Variants in MBOAT2 observed in about 807,000 individuals in gnomAD.
The protein encoded by MBOAT2 is membrane-bound glycerophospholipid O-acyltransferase 2.
Under a neutral mutation model 63.4 loss-of-function variants are expected in MBOAT2, and 28 were observed. That is an observed-to-expected ratio of 0.44 (90% CI 0.33 to 0.61). The LOEUF is 0.61. Ranked by LOEUF, MBOAT2 falls within the 20% of genes least tolerant of loss-of-function variation. The probability of loss-of-function intolerance (pLI) is 0.03; values close to 1 mark genes in which losing one functional copy is unlikely to be tolerated. For synonymous variants in MBOAT2, 211 were observed against 215.6 expected (o/e 0.98, Z 0.19); for missense variants, 470 against 605.8 (o/e 0.78, Z 2.35).
intron 3 of MBOAT2, among the ~76,000 whole-genome samples, chr2:8,922,412 T>C (rs143404694): frequency 5.8e-4 from 88 of 152,354 alleles, no homozygotes; most frequent in African/African-American, 2.1e-3. Context: ...TGTTAGATAA[T>C]ACATGACAGT....
At chr2:8,908,572 C>G (rs756014908) in intron 4 of MBOAT2, 49 bp downstream of exon 4, 101 of 1,046,064 alleles carry the variant, frequency 9.7e-5, no homozygotes, top group Middle Eastern at 2.1e-4. Context: ...CTTTAACCAC[C>G]TTGTTGGAAT....
rs539609915 is a variant in MBOAT2, at chr2:8,863,639, C to G, written c.1052+531G>C. Among the ~76,000 whole-genome samples the G allele has an allele frequency of 2.0e-4, 31 of 152,282 alleles. No individual in the cohort carries two copies. In the South Asian group the frequency reaches 4.8e-3, roughly 23 times the overall value. On this transcript the variant is annotated intron_variant, in intron 10 of 12. Coordinates refer to ENST00000305997, the MANE Select transcript of MBOAT2 (RefSeq NM_138799.4). Reference sequence around the variant, plus strand: ...CTGCTTTCTCTCTCCTCATCCTCACCACAGGGAACAGCATGTGTCTGATTA... The same window carrying G: ...CTGCTTTCTCTCTCCTCATCCTCACGACAGGGAACAGCATGTGTCTGATTA...
chr2:8,931,803 T>A (rs927865718), intron 3 of MBOAT2, among the ~76,000 whole-genome samples: 4 of 152,212 alleles, frequency 2.6e-5, no homozygotes, highest in African/African-American at 9.6e-5. Flanking sequence ...TTTTTGCACA[T>A]GGCTAGCCTG....
chr2:8,936,146 T>C (rs1175002323), intron 3 of MBOAT2, among the ~76,000 whole-genome samples: 2 of 152,108 alleles, frequency 1.3e-5, no homozygotes, highest in Non-Finnish European at 2.9e-5. Flanking sequence ...CTGTGGTGGG[T>C]AGTTTGACTG....
Position 9,003,294 on chromosome 2 carries a change from G to C in MBOAT2, c.75+246C>G, listed in dbSNP as rs529659157. Among the ~76,000 whole-genome samples, 2 of 152,256 alleles carry C rather than the reference G, an allele frequency of 1.3e-5. No individual in the cohort carries two copies. Among genetic ancestry groups the C allele is most frequent in the South Asian group, 2.1e-4 (1 of 4,832 alleles). ...ACCACCCTCCCCGGGGGCTGTCGCC[G>C]GCAACAACGCCCGGCCCACCTCCCG... On this transcript the variant is annotated intron_variant, in intron 1 of 12. Coordinates refer to ENST00000305997, the MANE Select transcript of MBOAT2 (RefSeq NM_138799.4). The surrounding 1 kb of genome is among the most constrained non-coding windows in gnomAD (Gnocchi z 5.4).
chr2:8,970,329 A>C (rs1301998244), intron 1 of MBOAT2, among the ~76,000 whole-genome samples: 3 of 152,246 alleles, frequency 2.0e-5, no homozygotes, highest in Non-Finnish European at 4.4e-5. Context: ...CAATGAGAAC[A>C]AAGACACAAC....
At chr2:8,878,175 A>G (rs150727027) in intron 6 of MBOAT2, among the ~76,000 whole-genome samples, 22 of 152,288 alleles carry the variant, frequency 1.4e-4, no homozygotes, top group Non-Finnish European at 2.9e-4. Flanking sequence ...GGAGGAGAAA[A>G]GGGAGTCAAG....
At chr2:8,997,723 T>C (rs1456220075) in intron 1 of MBOAT2, among the ~76,000 whole-genome samples, 2 of 152,216 alleles carry the variant, frequency 1.3e-5, no homozygotes, top group Non-Finnish European at 2.9e-5. Context: ...TACTACTTAT[T>C]ATTATCCTTA....
chr2:8,989,955 T>C (rs1259750624), intron 1 of MBOAT2, among the ~76,000 whole-genome samples: 3 of 152,204 alleles, frequency 2.0e-5, no homozygotes, highest in Admixed American at 6.5e-5. Flanking sequence ...TGCACACAGA[T>C]AAACTCACAC....
At chr2:8,876,526 G>A (rs1302560101) in intron 7 of MBOAT2, among the ~76,000 whole-genome samples, 1 of 152,174 alleles carries the variant, frequency 6.6e-6, no homozygotes, top group East Asian at 1.9e-4. Context: ...ATCAGGAGCT[G>A]TTTTGTGGAA....
chr2:8,970,752 A>G (rs1380043684), intron 1 of MBOAT2, among the ~76,000 whole-genome samples: 1 of 152,242 alleles, frequency 6.6e-6, no homozygotes, highest in Admixed American at 6.5e-5. Context: ...ACCTCTACAC[A>G]AATAAACTAG....
At chr2:8,935,491 G>A (rs1270358052) in intron 3 of MBOAT2, among the ~76,000 whole-genome samples, 1 of 152,198 alleles carries the variant, frequency 6.6e-6, no homozygotes, top group Non-Finnish European at 1.5e-5. Flanking sequence ...AAATATGACA[G>A]TATGAATACT....
chr2:8,894,949 G>A (rs1237129033), intron 4 of MBOAT2, among the ~76,000 whole-genome samples: 1 of 151,644 alleles, frequency 6.6e-6, no homozygotes, highest in African/African-American at 2.4e-5. Context: ...TGGTGTTACA[G>A]TTCATAAAGG....
chr2:8,976,209 G>A (rs577296793), intron 1 of MBOAT2, among the ~76,000 whole-genome samples: 1 of 152,106 alleles, frequency 6.6e-6, no homozygotes, highest in Non-Finnish European at 1.5e-5. Context: ...GGAAACAGAA[G>A]CAGAAAGCGA....
intron 1 of MBOAT2, among the ~76,000 whole-genome samples, chr2:8,978,494 T>A (rs1441285691): frequency 6.6e-6 from 1 of 152,188 alleles, no homozygotes; most frequent in Non-Finnish European, 1.5e-5. Context: ...ATTCCTGCTA[T>A]GACCATCAGA....
chr2:8,905,227 A>C (rs982307684), intron 4 of MBOAT2, among the ~76,000 whole-genome samples: 1 of 152,142 alleles, frequency 6.6e-6, no homozygotes, highest in African/African-American at 2.4e-5. Context: ...ATTAGGATCA[A>C]GTCAGGATCT....
At chr2:8,891,744 C>G (rs1664019478) in intron 4 of MBOAT2, among the ~76,000 whole-genome samples, 1 of 152,132 alleles carries the variant, frequency 6.6e-6, no homozygotes, top group African/African-American at 2.4e-5. Flanking sequence ...AAATGGGAAG[C>G]TGAAGAAGGT....
intron 2 of MBOAT2, among the ~76,000 whole-genome samples, chr2:8,958,071 T>C (rs1265547640): frequency 6.6e-6 from 1 of 152,182 alleles, no homozygotes; most frequent in Non-Finnish European, 1.5e-5. Flanking sequence ...TTTTTGGTAA[T>C]GGCAGAATCT....
chr2:8,885,746 C>T (rs560859354), intron 5 of MBOAT2, among the ~76,000 whole-genome samples: 1 of 152,314 alleles, frequency 6.6e-6, no homozygotes, highest in Admixed American at 6.5e-5. Flanking sequence ...GTCTTAAAAA[C>T]CATGCCTAGA....
Sources: gnomAD v4.1 joint callset for allele counts (sites outside exome capture counted in the v4.1 genomes callset) on GRCh38, gnomAD v4.1.1 for gene constraint, Gnocchi (gnomAD v3.1) non-coding constraint, MANE v1.5 for transcripts, NCBI Gene and HGNC (gene_info 2026-07-23, HGNC 2026-07-21) for gene names.